The following GRID1 variants were observed in gnomAD, a reference collection of about 807,000 sequenced individuals.
GRID1 encodes the protein glutamate ionotropic receptor delta type subunit 1, also known as glutamate receptor ionotropic, delta-1.
A neutral mutation model predicts 98.0 loss-of-function variants in GRID1; 28 were observed. That is an observed-to-expected ratio of 0.29 (90% CI 0.21 to 0.39). The LOEUF (loss-of-function observed/expected upper bound fraction) is 0.39. Ranked by LOEUF, GRID1 falls within the 10% of genes least tolerant of loss-of-function variation. The pLI, the probability that GRID1 is intolerant of heterozygous loss-of-function variation, is 1.00. For synonymous variants in GRID1, 553 were observed against 538.5 expected (o/e 1.03, Z -0.37); for missense variants, 1,111 against 1,340.5 (o/e 0.83, Z 2.67).
At chr10:85,613,234 A>G in intron 15 of GRID1, 173 bp downstream of exon 15, 1 of 683,514 alleles carries the variant, frequency 1.5e-6, no homozygotes, top group Non-Finnish European at 2.4e-6. Context: ...TTTCTTCTCT[A>G]GTTTTAAAAA....
chr10:86,025,753 G>A (rs1035837750), intron 4 of GRID1, among the ~76,000 whole-genome samples: 14 of 152,212 alleles, frequency 9.2e-5, no homozygotes, highest in Non-Finnish European at 1.0e-4. Context: ...AGCTCAGCCA[G>A]TGTGAGACTT....
At chr10:86,251,118 C>T (rs1182106363) in intron 2 of GRID1, among the ~76,000 whole-genome samples, 2 of 152,148 alleles carry the variant, frequency 1.3e-5, no homozygotes, top group Non-Finnish European at 2.9e-5. Flanking sequence ...GCAAGTTGTG[C>T]TTTGTTAAAC....
rs1554833471 is a variant in GRID1 at position 85,821,539 on chromosome 10, A to AAAAAAGCAAACAAAC, written c.1233+32956_1233+32957insGTTTGTTTGCTTTTT. Among the ~76,000 whole-genome samples, 21 of 97,624 alleles carry AAAAAAGCAAACAAAC rather than the reference A, an allele frequency of 2.2e-4. 2 individuals are homozygous for AAAAAAGCAAACAAAC. The highest frequency in any genetic ancestry group is 3.2e-4 in the Admixed American group (3 of 9,474). 64.0% of individuals were successfully genotyped at this position (97,624 alleles called of 152,430 possible). A position where few individuals can be genotyped will look rare whatever the true frequency, so the allele number is the denominator to read the frequency against. ...CTCAAAAAAAAAAAAAAAAAAAAAA[A>AAAAAAGCAAACAAAC]AAAAAAGAAAACAGATCAATAGTTG... On this transcript the variant is annotated intron_variant, in intron 8 of 15. Transcript: ENST00000327946.
At chr10:85,700,745 A>G (rs574976859) in intron 12 of GRID1, among the ~76,000 whole-genome samples, 1 of 152,260 alleles carries the variant, frequency 6.6e-6, no homozygotes, top group South Asian at 2.1e-4. Context: ...CTCAACCCCA[A>G]AGAAAAAGGT....
intron 4 of GRID1, among the ~76,000 whole-genome samples, chr10:86,112,819 G>A (rs957408391): frequency 1.3e-5 from 2 of 152,232 alleles, no homozygotes; most frequent in Non-Finnish European, 2.9e-5. Context: ...GTGTCATGCA[G>A]CATTCTTCTC....
chr10:85,854,394 G>A lies in GRID1; in HGVS notation c.1233+102C>T, dbSNP rs1332718197. On this transcript the variant is annotated intron_variant, in intron 8 of 15. Transcript: ENST00000327946. ...AGAGAGACTAGGAGGGAGGATATCT[G>A]TGCTAGTTAACAGTTGCTGGGAGCT... 6 of 1,012,120 alleles carry A rather than the reference G, an allele frequency of 5.9e-6. No homozygotes were observed. In the African/African-American group the frequency reaches 9.4e-5, roughly 16 times the overall value. The allele number at this position is 1,012,120 out of a possible 1,614,324, so 62.7% of individuals were successfully genotyped here. A position where few individuals can be genotyped will look rare whatever the true frequency, so the allele number is the denominator to read the frequency against.
At chr10:85,610,898 C>G (rs1378308283) in intron 15 of GRID1, among the ~76,000 whole-genome samples, 3 of 152,218 alleles carry the variant, frequency 2.0e-5, no homozygotes, top group Non-Finnish European at 4.4e-5. Flanking sequence ...GGAGGACAGG[C>G]AGCTGCTGTG....
At chr10:85,848,177 C>T (rs1207625738) in intron 8 of GRID1, among the ~76,000 whole-genome samples, 1 of 152,014 alleles carries the variant, frequency 6.6e-6, no homozygotes, top group East Asian at 1.9e-4. Context: ...ATATACTACT[C>T]ATGGATGTGA....
chr10:86,041,101 GA>G lies in GRID1; in HGVS notation c.726+97717del, dbSNP rs913022234. On this transcript the variant is annotated intron_variant, in intron 4 of 15. Coordinates refer to ENST00000327946, the MANE Select transcript of GRID1 (RefSeq NM_017551.3). ...ACACTTGCTTACATGTGTCATGCAA[GA>G]TGTGGCTGTCCATTTGTGTTGGTGC... 6.3e-4 allele frequency among the ~76,000 whole-genome samples: 96 copies of G among 152,176 alleles called. 1 individual carries two copies. The highest frequency in any genetic ancestry group is 2.9e-4 in the Non-Finnish European group (20 of 68,030).
chr10:85,829,254 T>G (rs1370579628), intron 8 of GRID1, among the ~76,000 whole-genome samples: 1 of 151,924 alleles, frequency 6.6e-6, no homozygotes, highest in Admixed American at 6.6e-5. Context: ...AATGGAACAT[T>G]CCTTAATGTT....
chr10:86,064,018 T>G (rs554746874), intron 4 of GRID1, among the ~76,000 whole-genome samples: 1 of 152,242 alleles, frequency 6.6e-6, no homozygotes, highest in Admixed American at 6.5e-5. Flanking sequence ...ACAAAGATAT[T>G]AATGATGTTT....
At chr10:86,138,598 A>C (rs941003820) in intron 4 of GRID1, among the ~76,000 whole-genome samples, 1 of 152,204 alleles carries the variant, frequency 6.6e-6, no homozygotes, top group Non-Finnish European at 1.5e-5. Flanking sequence ...AGCTCTTCAG[A>C]GGCTGGGCAG....
At chr10:85,686,463 TAGATAAAC>T (rs1841270100) in intron 12 of GRID1, among the ~76,000 whole-genome samples, 1 of 152,196 alleles carries the variant, frequency 6.6e-6, no homozygotes, top group African/African-American at 2.4e-5. Flanking sequence ...CAGTGGTGAA[TAGATAAAC>T]ATGATATGGT....
chr10:85,622,952 T>A (rs765936505), intron 13 of GRID1, among the ~76,000 whole-genome samples: 1 of 152,178 alleles, frequency 6.6e-6, no homozygotes, highest in Non-Finnish European at 1.5e-5. Context: ...CACAAGTACA[T>A]GCCTAGAGCT....
intron 8 of GRID1, among the ~76,000 whole-genome samples, chr10:85,845,591 C>G (rs1842997867): frequency 6.6e-6 from 1 of 152,004 alleles, no homozygotes; most frequent in Non-Finnish European, 1.5e-5. Flanking sequence ...CAAGAATCAC[C>G]AAGTCTGTCT....
chr10:86,329,079 T>C (rs1330388774), intron 2 of GRID1, among the ~76,000 whole-genome samples: 2 of 152,180 alleles, frequency 1.3e-5, no homozygotes, highest in African/African-American at 4.8e-5. Context: ...AAGCCCTGGC[T>C]CAGAGAAAGA....
At chr10:85,607,792 G>T (rs1021546628) in intron 15 of GRID1, among the ~76,000 whole-genome samples, 1 of 151,712 alleles carries the variant, frequency 6.6e-6, no homozygotes, top group African/African-American at 2.4e-5. Context: ...CCCAAACCTG[G>T]GCTCTTTCCT....
intron 8 of GRID1, among the ~76,000 whole-genome samples, chr10:85,813,815 C>A (rs1184260106): frequency 6.6e-6 from 1 of 151,572 alleles, no homozygotes; most frequent in Non-Finnish European, 1.5e-5. Context: ...TCAGTGTATG[C>A]AGATATATAT....
chr10:86,288,277 A>G (rs890479702), intron 2 of GRID1, among the ~76,000 whole-genome samples: 9 of 152,214 alleles, frequency 5.9e-5, no homozygotes, highest in African/African-American at 1.9e-4. Flanking sequence ...TGGAGCGTTC[A>G]GGCATGGCTG....
Sources: allele counts gnomAD v4.1 joint callset (sites outside exome capture counted in the v4.1 genomes callset), GRCh38; gene constraint gnomAD v4.1.1; transcripts MANE v1.5; gene names NCBI Gene and HGNC (gene_info 2026-07-23, HGNC 2026-07-21).